The following MARCHF5 variants were observed in gnomAD, a reference collection of about 807,000 sequenced individuals.
MARCHF5 encodes E3 ubiquitin-protein ligase MARCHF5.
In MARCHF5, 5 loss-of-function variants were observed where a neutral mutation model predicts 36.5. That is an observed-to-expected ratio of 0.14 (90% CI 0.07 to 0.29). The LOEUF is 0.29. MARCHF5 is among the 10% of genes least tolerant of loss of function. The probability of loss-of-function intolerance (pLI) is 1.00; values close to 1 mark genes in which losing one functional copy is unlikely to be tolerated. For missense variants in MARCHF5, 179 were observed against 336.3 expected (o/e 0.53, Z 3.66); for synonymous variants, 103 against 109.9 (o/e 0.94, Z 0.39).
intron 1 of MARCHF5, among the ~76,000 whole-genome samples, chr10:92,301,976 G>A (rs1015971934): frequency 3.3e-5 from 5 of 152,118 alleles, no homozygotes; most frequent in Non-Finnish European, 7.4e-5. Flanking sequence ...CAGGAGGATC[G>A]CTTGAACCCG....
At chr10:92,339,004 C>T (rs1038422842) in intron 2 of MARCHF5, among the ~76,000 whole-genome samples, 12 of 149,928 alleles carry the variant, frequency 8.0e-5, no homozygotes, top group Admixed American at 5.3e-4. Context: ...GAGATTGTGC[C>T]ACTGCACTCC....
rs760178450 is a variant in MARCHF5 at position 92,351,232 on chromosome 10, T to G, written c.*25T>G. 7.3e-7 allele frequency: 1 copy of G among 1,366,536 alleles called. No individual in the cohort carries two copies. The highest frequency in any genetic ancestry group is 1.7e-5 in the Admixed American group (1 of 57,946). 84.7% of individuals were successfully genotyped at this position (1,366,536 alleles called of 1,614,324 possible). On this transcript the variant is annotated 3_prime_UTR_variant, in exon 6 of 6. Coordinates refer to ENST00000358935, the MANE Select transcript of MARCHF5 (RefSeq NM_017824.5). ...AAACTGACTTCTGGTTGTTCTGCAG[T>G]TCTCTCATCCTTATGAATCTGTTGT...
intron 1 of MARCHF5, among the ~76,000 whole-genome samples, chr10:92,300,428 G>T (rs892700621): frequency 6.6e-6 from 1 of 151,468 alleles, no homozygotes; most frequent in African/African-American, 2.4e-5. Context: ...AGGTTATGGA[G>T]GTTGCAGTGA....
chr10:92,311,944 C>CTTTA (rs1180420959), intron 2 of MARCHF5, among the ~76,000 whole-genome samples: 1 of 152,152 alleles, frequency 6.6e-6, no homozygotes, highest in African/African-American at 2.4e-5. Context: ...AAGGCTGCTT[C>CTTTA]TTTAGCAGCA....
At chr10:92,324,879 A>C (rs1441045316) in intron 2 of MARCHF5, among the ~76,000 whole-genome samples, 1 of 152,002 alleles carries the variant, frequency 6.6e-6, no homozygotes, top group Admixed American at 6.6e-5. Flanking sequence ...AACTATATTA[A>C]AACTTTTTTT....
chr10:92,328,821 A>ATATATATATATATTTT (rs372130854), intron 2 of MARCHF5, among the ~76,000 whole-genome samples: 2 of 122,442 alleles, frequency 1.6e-5, no homozygotes, highest in African/African-American at 6.3e-5. Flanking sequence ...ATATATATAT[A>ATATATATATATATTTT]TTTTTTTTTT....
At chr10:92,328,170 A>G (rs772978496) in intron 2 of MARCHF5, among the ~76,000 whole-genome samples, 1 of 151,726 alleles carries the variant, frequency 6.6e-6, no homozygotes, top group Non-Finnish European at 1.5e-5. Flanking sequence ...AGCCAAGAGG[A>G]GTGTAAGGAG....
intron 2 of MARCHF5, among the ~76,000 whole-genome samples, chr10:92,323,015 C>T (rs369136731): frequency 1.3e-5 from 2 of 152,078 alleles, no homozygotes; most frequent in South Asian, 4.1e-4. Context: ...GGATTACAGG[C>T]GTGAGCCACC....
Position 92,291,533 on chromosome 10 carries a change from C to T in MARCHF5, c.35+4C>T. On this transcript the variant is annotated splice_donor_region_variant and intron_variant, in intron 1 of 5. Transcript: ENST00000358935. ...CCCTACAGCAGATGCTGGACAGGTACGGGCAGCTGTGGGGGGGACCGGGAG... is the reference window on the plus strand; with the variant it reads ...CCCTACAGCAGATGCTGGACAGGTATGGGCAGCTGTGGGGGGGACCGGGAG... 6.5e-7 allele frequency: 1 copy of T among 1,542,534 alleles called. No individual in the cohort carries two copies. The highest frequency in any genetic ancestry group is 8.7e-7 in the Non-Finnish European group (1 of 1,143,328).
chr10:92,310,826 C>T (rs1263826633), intron 1 of MARCHF5, among the ~76,000 whole-genome samples: 2 of 152,102 alleles, frequency 1.3e-5, no homozygotes, highest in South Asian at 2.1e-4. Context: ...ACAAAAACAA[C>T]TTGAGGTTTG....
intron 2 of MARCHF5, among the ~76,000 whole-genome samples, chr10:92,312,981 A>G (rs1173758197): frequency 6.6e-6 from 1 of 152,264 alleles, no homozygotes; most frequent in African/African-American, 2.4e-5. Flanking sequence ...CACGCCTGTA[A>G]TCCCAGCACT....
chr10:92,313,884 C>T (rs953323241), intron 2 of MARCHF5, among the ~76,000 whole-genome samples: 5 of 152,022 alleles, frequency 3.3e-5, no homozygotes, highest in Non-Finnish European at 7.4e-5. Flanking sequence ...CAGAGTGAGA[C>T]CCTGTCTGAA....
rs753879708 is a variant in MARCHF5, at chr10:92,340,713, C to T, written c.279C>T (p.Ile93=). The change falls in exon 3 of 6, where the codon ATC becomes ATT. Residue 93 remains isoleucine (I), a synonymous_variant. Transcript: ENST00000358935. ...VYVLDLADRL[I]SKACPFAAAG... is the part of the protein sequence containing the mutation. ...TCTTGGATCTTGCAGATAGACTGAT[C>T]TCAAAAGCCTGTCCATTTGCTGCAG... 1 of 1,613,668 alleles carries T rather than the reference C, an allele frequency of 6.2e-7. No homozygotes were observed. The highest frequency in any genetic ancestry group is 1.1e-5 in the South Asian group (1 of 90,978).
rs536061684 is a variant in MARCHF5 at position 92,301,734 on chromosome 10, T to G, written c.36-9401T>G. ...CATATAACCTATGCACATCCTCCTG[T>G]ACACTTTACGTTCTCTCTAGATTAC... On this transcript the variant is annotated intron_variant, in intron 1 of 5. Coordinates refer to ENST00000358935, the MANE Select transcript of MARCHF5 (RefSeq NM_017824.5). Among the ~76,000 whole-genome samples, 12 of 152,348 alleles carry G rather than the reference T, an allele frequency of 7.9e-5. No individual in the cohort carries two copies. In the East Asian group the frequency reaches 1.5e-3, roughly 20 times the overall value.
intron 2 of MARCHF5, among the ~76,000 whole-genome samples, chr10:92,318,986 C>T (rs1036326986): frequency 6.6e-6 from 1 of 152,144 alleles, no homozygotes; most frequent in Non-Finnish European, 1.5e-5. Context: ...GGATTACAGG[C>T]GTGAGCCGCT....
At position 92,349,536 on chromosome 10, in the gene MARCHF5, AG is replaced by A; in HGVS notation, c.553+6del. ...ATTTTAAATAGTATATTTCCAGGTAAGGCACTGAACTGTGGTTGTAAAGTGC... is the reference window on the plus strand; with the variant it reads ...ATTTTAAATAGTATATTTCCAGGTAAGCACTGAACTGTGGTTGTAAAGTGC... On this transcript the variant is annotated splice_donor_5th_base_variant and intron_variant, in intron 4 of 5. Transcript: ENST00000358935. The A allele has an allele frequency of 6.2e-7, 1 of 1,612,374 alleles. No individual in the cohort carries two copies. Among genetic ancestry groups the A allele is most frequent in the Non-Finnish European group, 8.5e-7 (1 of 1,179,164 alleles).
At chr10:92,328,403 A>G (rs796394140) in intron 2 of MARCHF5, among the ~76,000 whole-genome samples, 1 of 86,450 alleles carries the variant, frequency 1.2e-5, no homozygotes, top group Non-Finnish European at 2.4e-5. Flanking sequence ...TGCCCTGTTT[A>G]TCTCTTCTCA....
At chr10:92,345,184 A>C (rs1564954239) in intron 3 of MARCHF5, among the ~76,000 whole-genome samples, 2 of 151,908 alleles carry the variant, frequency 1.3e-5, no homozygotes. Context: ...AAAAAAAAAA[A>C]AACCCTGTTA....
chr10:92,301,626 G>A (rs527564659), intron 1 of MARCHF5, among the ~76,000 whole-genome samples: 6 of 152,340 alleles, frequency 3.9e-5, no homozygotes, highest in African/African-American at 9.6e-5. Context: ...CTCAGTATTC[G>A]TGGGGAATTG....
Sources: allele counts gnomAD v4.1 joint callset (sites outside exome capture counted in the v4.1 genomes callset), GRCh38; gene constraint gnomAD v4.1.1; transcripts MANE v1.5; gene names NCBI Gene and HGNC (gene_info 2026-07-23, HGNC 2026-07-21).